The following ADAM15 variants were observed in gnomAD, a reference collection of about 807,000 sequenced individuals.
ADAM15 encodes disintegrin and metalloproteinase domain-containing protein 15.
ADAM15 carries 77 observed loss-of-function variants against 113.8 expected under a neutral mutation model. That is an observed-to-expected ratio of 0.68 (90% CI 0.56 to 0.82). ADAM15 has a LOEUF of 0.82. ADAM15 is among the 40% of genes least tolerant of loss of function. The pLI, the probability that ADAM15 is intolerant of heterozygous loss-of-function variation, is 0.00. For missense variants in ADAM15, 963 were observed against 1,120.1 expected (o/e 0.86, Z 2.00); for synonymous variants, 388 against 454.1 (o/e 0.85, Z 1.85).
rs760078826 is a variant in ADAM15, at chr1:155,058,342, T to A, written c.1818T>A (p.Asn606Lys). ...RDLLWETIDV[N>K]GTELNCSWVH... ...TACTCTGGGAGACAATAGATGTGAA[T>A]GGGACTGAGCTGAACTGCAGCTGGG... The change falls in exon 15 of 23, where the codon AAT (asparagine) becomes AAA (lysine). Residue 606 changes from asparagine to lysine, a missense_variant. Asn to Lys is a moderately conservative substitution (Grantham distance 94). Coordinates refer to ENST00000356955, the MANE Select transcript of ADAM15 (RefSeq NM_207197.3). This position sits in a 1 kb window ranked among gnomAD's most constrained non-coding sequence, Gnocchi z 4.3. The A allele has an allele frequency of 1.2e-6, 2 of 1,614,036 alleles. No homozygotes were observed. The highest frequency in any genetic ancestry group is 1.7e-6 in the Non-Finnish European group (2 of 1,180,028).
chr1:155,053,577 T>C, intron 3 of ADAM15, 84 bp downstream of exon 3: 1 of 1,421,984 alleles, frequency 7.0e-7, no homozygotes, highest in Non-Finnish European at 9.9e-7. Context: ...TAAGTGCTTG[T>C]GCTCATTTAA....
rs924680045 is a variant in ADAM15, at chr1:155,060,919, A to G, written c.2277+87A>G. 9 of 1,305,442 alleles carry G rather than the reference A, an allele frequency of 6.9e-6. No individual in the cohort carries two copies. The African/African-American group carries it at 1.2e-4, about 17-fold the overall frequency. The allele number at this position is 1,305,442 out of a possible 1,614,324, so 80.9% of individuals were successfully genotyped here. ...GGGGGGTGCGCATTAAAGGCTCCAG[A>G]CTCAGAGAAAGGCTAGCACTGCCCA... On this transcript the variant is annotated intron_variant, in intron 19 of 22. Coordinates refer to ENST00000356955, the MANE Select transcript of ADAM15 (RefSeq NM_207197.3).
Position 155,057,808 on chromosome 1 carries a change from G to A in ADAM15, c.1417-43G>A, listed in dbSNP as rs896719456. 1 of 1,613,222 alleles carries A rather than the reference G, an allele frequency of 6.2e-7. No homozygotes were observed. Among genetic ancestry groups the A allele is most frequent in the African/African-American group, 1.3e-5 (1 of 75,018 alleles). On this transcript the variant is annotated intron_variant, in intron 13 of 22. Transcript: ENST00000356955. The surrounding 1 kb of genome is among the most constrained non-coding windows in gnomAD (Gnocchi z 5.0). ...AAAGGGTCATTCTGACCCCCGGCTGGATTTGCTCAGTGCCCACACTGATGC... is the reference window on the plus strand; with the variant it reads ...AAAGGGTCATTCTGACCCCCGGCTGAATTTGCTCAGTGCCCACACTGATGC...
chr1:155,054,882 A>C (rs1468690581), intron 6 of ADAM15, among the ~76,000 whole-genome samples: 1 of 152,114 alleles, frequency 6.6e-6, no homozygotes, highest in African/African-American at 2.4e-5. Context: ...AAAATAAAAT[A>C]AAAATAAAAT....
intron 4 of ADAM15, 72 bp downstream of exon 4, chr1:155,054,060 C>G: frequency 6.2e-7 from 1 of 1,611,564 alleles, no homozygotes; most frequent in South Asian, 1.1e-5. Flanking sequence ...GGTGAGAGGA[C>G]ACTGCATATT....
At position 155,057,473 on chromosome 1, in the gene ADAM15, C is replaced by G. The variant is rs777568249; in HGVS notation, c.1323+111C>G. On this transcript the variant is annotated intron_variant, in intron 12 of 22. Transcript: ENST00000356955. The surrounding 1 kb of genome is among the most constrained non-coding windows in gnomAD (Gnocchi z 5.0). ...TGGGTTCTGAAGGGACTTTCCACCC[C>G]TCTCCTACTTGCCCTGTCTGTGGGG... 116 of 1,512,530 alleles carry G rather than the reference C, an allele frequency of 7.7e-5. No homozygotes were observed. Among genetic ancestry groups the G allele is most frequent in the Non-Finnish European group, 1.0e-4 (111 of 1,107,416 alleles). The allele number at this position is 1,512,530 out of a possible 1,614,324, so 93.7% of individuals were successfully genotyped here. A position where few individuals can be genotyped will look rare whatever the true frequency, so the allele number is the denominator to read the frequency against.
chr1:155,056,928 C>A lies in ADAM15; in HGVS notation c.1000-25C>A. The A allele has an allele frequency of 6.5e-7, 1 of 1,536,450 alleles. No individual in the cohort carries two copies. Among genetic ancestry groups the A allele is most frequent in the Non-Finnish European group, 8.8e-7 (1 of 1,140,858 alleles). ...TGGTGGAGGCAGGCTGGGACTGGACCTACAGTACCCCTCCCCAATGACAGG... is the reference window on the plus strand; with the variant it reads ...TGGTGGAGGCAGGCTGGGACTGGACATACAGTACCCCTCCCCAATGACAGG... On this transcript the variant is annotated intron_variant, in intron 10 of 22. Coordinates refer to ENST00000356955, the MANE Select transcript of ADAM15 (RefSeq NM_207197.3). The surrounding 1 kb of genome is among the most constrained non-coding windows in gnomAD (Gnocchi z 4.0).
At chr1:155,059,766 A>AC (rs1287266081) in intron 16 of ADAM15, 136 bp from the exon 17 acceptor site, 2 of 882,846 alleles carry the variant, frequency 2.3e-6, no homozygotes, top group African/African-American at 3.3e-5. Flanking sequence ...ATGGATAAAG[A>AC]CCCTCCCTCC....
Position 155,056,823 on chromosome 1 carries a change from A to G in ADAM15, c.1000-130A>G. 7.5e-7 allele frequency: 1 copy of G among 1,332,818 alleles called. No homozygotes were observed. The highest frequency in any genetic ancestry group is 1.5e-5 in the South Asian group (1 of 67,928). The allele number at this position is 1,332,818 out of a possible 1,614,324, so 82.6% of individuals were successfully genotyped here. A position where few individuals can be genotyped will look rare whatever the true frequency, so the allele number is the denominator to read the frequency against. On this transcript the variant is annotated intron_variant, in intron 10 of 22. Coordinates refer to ENST00000356955, the MANE Select transcript of ADAM15 (RefSeq NM_207197.3). This position sits in a 1 kb window ranked among gnomAD's most constrained non-coding sequence, Gnocchi z 4.0. ...GGTTCTCCTACTTTAGAAGCAATTCAGGAGGGAAGCAGTGCCTGCTGAGTG... is the reference window on the plus strand; with the variant it reads ...GGTTCTCCTACTTTAGAAGCAATTCGGGAGGGAAGCAGTGCCTGCTGAGTG...
rs1333613156 is a variant in ADAM15, at chr1:155,053,477, G to C, written c.247G>C (p.Glu83Gln). The C allele has an allele frequency of 6.2e-7, 1 of 1,614,174 alleles. No homozygotes were observed. Among genetic ancestry groups the C allele is most frequent in the South Asian group, 1.1e-5 (1 of 91,086 alleles). ...LELDGDSHIL[E>Q]LLQNRELVPG... Reference sequence around the variant, plus strand: ...GCTGGACGGTGACAGTCATATCCTGGAGCTGCTACAGAATAGGTAATAGTG... The same window carrying C: ...GCTGGACGGTGACAGTCATATCCTGCAGCTGCTACAGAATAGGTAATAGTG... The change falls in exon 3 of 23, where the codon GAG becomes CAG. Residue 83 changes from glutamate to glutamine, a missense_variant. Coordinates refer to ENST00000356955, the MANE Select transcript of ADAM15 (RefSeq NM_207197.3).
At chr1:155,059,832 T>C (rs1662324323) in intron 16 of ADAM15, 70 bp from the exon 17 acceptor site, 1 of 1,528,054 alleles carries the variant, frequency 6.5e-7, no homozygotes, top group African/African-American at 1.4e-5. Flanking sequence ...ATCTGAGATC[T>C]TGAAAAGCTA....
intron 19 of ADAM15, chr1:155,061,095 G>GGTCT: frequency 1.7e-6 from 1 of 582,764 alleles, no homozygotes; most frequent in Non-Finnish European, 3.1e-6. Context: ...TTGAGAGGTG[G>GGTCT]ATCTATCCAT....
At chr1:155,060,047 C>G in intron 17 of ADAM15, 73 bp downstream of exon 17, 1 of 1,592,108 alleles carries the variant, frequency 6.3e-7, no homozygotes, top group Non-Finnish European at 8.6e-7. Flanking sequence ...CCCCTCGGCC[C>G]TCTCTTTCTG....
chr1:155,051,434 C>T lies in ADAM15; in HGVS notation c.48C>T (p.Ser16=). The T allele has an allele frequency of 1.3e-6, 2 of 1,568,374 alleles. No individual in the cohort carries two copies. Among genetic ancestry groups the T allele is most frequent in the South Asian group, 1.2e-5 (1 of 85,694 alleles). The change falls in exon 1 of 23, where the codon AGC becomes AGT. Residue 16 remains serine (S), a synonymous_variant. Transcript: ENST00000356955. ...CCCTGGGGCTCCTGGGCGCGGGCAG[C>T]CCTCTGCCTTCCTGGCCGCTCCCAA... ...LWALGLLGAG[S]PLPSWPLPNI...
chr1:155,061,839 AATCTCTGTGCATGT>A, intron 20 of ADAM15, 51 bp from the exon 21 acceptor site: 1 of 1,448,056 alleles, frequency 6.9e-7, no homozygotes, highest in Non-Finnish European at 9.2e-7. Context: ...CCCTCTGGGG[AATCTCTGTGCATGT>A]CCACAGCCCC....
At chr1:155,054,123 A>G (rs762740119) in intron 4 of ADAM15, 27 bp from the exon 5 acceptor site, 10 of 1,613,754 alleles carry the variant, frequency 6.2e-6, no homozygotes. Context: ...TCTCTGAGAC[A>G]GCACTAATGT....
At chr1:155,054,057 G>A (rs1244014632) in intron 4 of ADAM15, 69 bp downstream of exon 4, 22 of 1,611,898 alleles carry the variant, frequency 1.4e-5, no homozygotes, top group African/African-American at 8.0e-5. Flanking sequence ...GAAGGTGAGA[G>A]GACACTGCAT....
In ADAM15 at chr1:155,058,894, A is replaced by G; in HGVS notation, c.1995+107A>G. The G allele has an allele frequency of 7.1e-7, 1 of 1,400,704 alleles. No individual in the cohort carries two copies. 86.8% of individuals were successfully genotyped at this position (1,400,704 alleles called of 1,614,324 possible). A position where few individuals can be genotyped will look rare whatever the true frequency, so the allele number is the denominator to read the frequency against. ...TCTGGGTTTTAATCCTTGCTCTACT[A>G]CTTCCCAGTTGTGTGACCTCGGGCA... On this transcript the variant is annotated intron_variant, in intron 16 of 22. Coordinates refer to ENST00000356955, the MANE Select transcript of ADAM15 (RefSeq NM_207197.3). This position sits in a 1 kb window ranked among gnomAD's most constrained non-coding sequence, Gnocchi z 4.3.
At chr1:155,061,162 C>T (rs769101926) in intron 19 of ADAM15, 11 of 577,552 alleles carry the variant, frequency 1.9e-5, no homozygotes, top group African/African-American at 3.7e-5. Flanking sequence ...AATGGCCTTC[C>T]GTAGGCCCAG....
Sources: gnomAD v4.1 joint callset for allele counts (sites outside exome capture counted in the v4.1 genomes callset) on GRCh38, gnomAD v4.1.1 for gene constraint, Gnocchi (gnomAD v3.1) non-coding constraint, MANE v1.5 for transcripts, NCBI Gene and HGNC (gene_info 2026-07-23, HGNC 2026-07-21) for gene names.